Variants in COL5A2 observed in about 807,000 individuals in gnomAD.
The protein encoded by COL5A2 is collagen alpha-2(V) chain.
Under a neutral mutation model 208.2 loss-of-function variants are expected in COL5A2, and 23 were observed. That is an observed-to-expected ratio of 0.11 (90% CI 0.08 to 0.16). COL5A2 has a LOEUF of 0.16. Among genes scored for constraint, COL5A2 ranks in the 10% least tolerant of loss-of-function variants. COL5A2 has a pLI of 1.00. For missense variants in COL5A2, 1,590 were observed against 1,956.4 expected, an observed-to-expected ratio of 0.81 and a Z score of 3.53; for synonymous variants, 625 against 628.5, an observed-to-expected ratio of 0.99 and a Z score of 0.08.
At chr2:189,184,093 T>A (rs1688816856), upstream of COL5A2, among the ~76,000 whole-genome samples, 1 of 152,060 alleles carries the variant, frequency 6.6e-6, no homozygotes, top group African/African-American at 2.4e-5. Flanking sequence ...AAAACAGCAA[T>A]AAACAAGTAG....
chr2:189,060,590 AG>A (rs1217856922), intron 31 of COL5A2, 139 bp downstream of exon 31: 4 of 708,620 alleles, frequency 5.6e-6, no homozygotes, highest in Non-Finnish European at 1.0e-5. Flanking sequence ...AGATAATGAT[AG>A]TACCTAGTAC....
At chr2:189,340,700 C>T in the COL5A2 span, among the ~76,000 whole-genome samples, 1 of 152,178 alleles carries the variant, frequency 6.6e-6, no homozygotes, top group Non-Finnish European at 1.5e-5. Flanking sequence ...CATTTCTGGC[C>T]CTGTGTCTCA....
chr2:189,060,689 G>T (rs377692394), intron 31 of COL5A2, 41 bp downstream of exon 31: 2 of 1,510,326 alleles, frequency 1.3e-6, no homozygotes, highest in South Asian at 1.1e-5. Context: ...AATTGAGCCA[G>T]CAATGTATAG....
upstream of COL5A2, among the ~76,000 whole-genome samples, chr2:189,229,939 A>G (rs1689460266): frequency 6.6e-6 from 1 of 151,890 alleles, no homozygotes; most frequent in Non-Finnish European, 1.5e-5. Flanking sequence ...CGGCTGTATT[A>G]CAAAGCTACA....
At chr2:189,102,735 T>C (rs763837763) in intron 3 of COL5A2, among the ~76,000 whole-genome samples, 1 of 152,154 alleles carries the variant, frequency 6.6e-6, no homozygotes, top group South Asian at 2.1e-4. Context: ...TCAGTAATTA[T>C]GTTGGAGTTA....
the COL5A2 span, among the ~76,000 whole-genome samples, chr2:189,359,317 T>C: frequency 1.3e-5 from 2 of 152,186 alleles, no homozygotes; most frequent in South Asian, 4.1e-4. Context: ...CTTTTCTGCA[T>C]CTACTGAGAT....
Position 189,110,239 on chromosome 2 carries a change from C to T in COL5A2, c.308G>A (p.Gly103Asp). 1 of 1,613,298 alleles carries T rather than the reference C, an allele frequency of 6.2e-7. No individual in the cohort carries two copies. The highest frequency in any genetic ancestry group is 8.5e-7 in the Non-Finnish European group (1 of 1,179,478). ...AACATTCTTACCAAAATTGGTATTGCCACCTCCAGGTGTTTGTGAACAGAC... is the reference window on the plus strand; with the variant it reads ...AACATTCTTACCAAAATTGGTATTGTCACCTCCAGGTGTTTGTGAACAGAC... Reference protein sequence around the residue: ...CPVCSQTPGGGNTNFGRGRKG... With the variant: ...CPVCSQTPGGDNTNFGRGRKG... Residue 103 changes from glycine to aspartate, a missense_variant, in exon 2 of 54, where the codon GGC becomes GAC. By Grantham distance (94) the Gly-to-Asp change is moderately conservative. Transcript: ENST00000374866.
At chr2:189,306,569 T>C in the COL5A2 span, among the ~76,000 whole-genome samples, 1 of 152,232 alleles carries the variant, frequency 6.6e-6, no homozygotes, top group African/African-American at 2.4e-5. Context: ...GAGGGAATTC[T>C]GGTGCATAGC....
At chr2:189,232,780 A>G in the COL5A2 span, among the ~76,000 whole-genome samples, 11 of 151,712 alleles carry the variant, frequency 7.3e-5, no homozygotes, top group African/African-American at 2.7e-4. Context: ...TCCCATGTAA[A>G]GACACAGAAG....
intron 29 of COL5A2, among the ~76,000 whole-genome samples, chr2:189,061,915 C>A (rs1473450301): frequency 6.6e-6 from 1 of 152,002 alleles, no homozygotes; most frequent in Non-Finnish European, 1.5e-5. Context: ...TATAGGAAAA[C>A]CCATTACTTT....
rs1688748933 is a variant in COL5A2, at chr2:189,179,726, AC to A, written c.-123del. 1 of 1,523,746 alleles carries A rather than the reference AC, an allele frequency of 6.6e-7. No individual in the cohort carries two copies. Among genetic ancestry groups the A allele is most frequent in the Non-Finnish European group, 8.8e-7 (1 of 1,134,476 alleles). 94.4% of individuals were successfully genotyped at this position (1,523,746 alleles called of 1,614,324 possible). On this transcript the variant is annotated 5_prime_UTR_variant, in exon 1 of 54. Coordinates refer to ENST00000374866, the MANE Select transcript of COL5A2 (RefSeq NM_000393.5). ...ACCAGCCCCAGGGCAGCCTCTGCAA[AC>A]CCCCTTTTTCAGCACCAGCTCCAGC...
At chr2:189,058,326 A>G in intron 33 of COL5A2, 103 bp downstream of exon 33, 1 of 948,276 alleles carries the variant, frequency 1.1e-6, no homozygotes, top group Non-Finnish European at 1.7e-6. Flanking sequence ...ATATAATCAA[A>G]TTATCTTTCA....
intron 1 of COL5A2, among the ~76,000 whole-genome samples, chr2:189,178,642 A>G (rs1688723262): frequency 6.6e-6 from 1 of 151,526 alleles, no homozygotes; most frequent in Non-Finnish European, 1.5e-5. Context: ...ACCATACCAT[A>G]TAACCCAACT....
intron 26 of COL5A2, among the ~76,000 whole-genome samples, 157 bp downstream of exon 26, chr2:189,063,823 A>G (rs545252079): frequency 6.6e-6 from 1 of 152,322 alleles, no homozygotes; most frequent in African/African-American, 2.4e-5. Context: ...GTCAACTTGA[A>G]AATAGATCCT....
chr2:189,304,714 T>C, the COL5A2 span, among the ~76,000 whole-genome samples: 3 of 152,234 alleles, frequency 2.0e-5, no homozygotes, highest in Non-Finnish European at 4.4e-5. Flanking sequence ...AACATGAGAA[T>C]TGGGCAGGGA....
chr2:189,058,974 C>T (rs1685963386), intron 31 of COL5A2, 81 bp from the exon 32 acceptor site: 1 of 1,134,142 alleles, frequency 8.8e-7, no homozygotes, highest in African/African-American at 1.5e-5. Flanking sequence ...GTTCATACAC[C>T]TAGTTTCTAT....
intron 2 of COL5A2, among the ~76,000 whole-genome samples, chr2:189,109,155 T>C (rs918953399): frequency 4.6e-5 from 7 of 152,046 alleles, no homozygotes; most frequent in African/African-American, 1.7e-4. Flanking sequence ...CTGTATATTT[T>C]GGTGTGTTTT....
Position 189,034,074 on chromosome 2 carries a change from A to G in COL5A2, c.4496T>C (p.Val1499Ala). ...FGVEIGPVCF[V>A] ...GTCGATGTGTCTTGGCTTACTTTAC[A>G]CAAAACAAACTGGCCCAATTTCAAC... The change falls in exon 54 of 54, where the codon GTG becomes GCG. Residue 1499 changes from valine to alanine, a missense_variant. Val to Ala is a moderately conservative substitution (Grantham distance 64). Coordinates refer to ENST00000374866, the MANE Select transcript of COL5A2 (RefSeq NM_000393.5). 3 of 1,613,964 alleles carry G rather than the reference A, an allele frequency of 1.9e-6. No homozygotes were observed. Among genetic ancestry groups the G allele is most frequent in the African/African-American group, 1.3e-5 (1 of 75,016 alleles).
chr2:189,122,501 C>A (rs943818063), intron 1 of COL5A2, among the ~76,000 whole-genome samples: 1 of 152,110 alleles, frequency 6.6e-6, no homozygotes, highest in East Asian at 1.9e-4. Context: ...ACATGTGATA[C>A]CTCTTCCACT....
Sources: allele counts gnomAD v4.1 joint callset (sites outside exome capture counted in the v4.1 genomes callset), GRCh38; gene constraint gnomAD v4.1.1; transcripts MANE v1.5; gene names NCBI Gene and HGNC (gene_info 2026-07-23, HGNC 2026-07-21).